MRPS28: variants seen among roughly 807,000 people sequenced by gnomAD.
MRPS28 encodes mitochondrial ribosomal protein S28.
A neutral mutation model predicts 10.8 loss-of-function variants in MRPS28; 7 were observed. The ratio of observed to expected loss-of-function variants is 0.65; its 90% CI spans 0.37 to 1.22. MRPS28 has a LOEUF of 1.22. MRPS28 is among the 50% of genes most tolerant of loss of function. The pLI is 0.02. For missense variants in MRPS28, 265 were observed against 232.9 expected (o/e 1.14, Z -0.90); for synonymous variants, 121 against 93.3 (o/e 1.30, Z -1.71).
At chr8:80,006,733 T>C (rs1808859326) in intron 1 of MRPS28, among the ~76,000 whole-genome samples, 1 of 152,136 alleles carries the variant, frequency 6.6e-6, no homozygotes, top group Non-Finnish European at 1.5e-5. Context: ...AGAAGTTGAA[T>C]CCCTGAATAG....
chr8:80,016,736 G>T, intron 1 of MRPS28, among the ~76,000 whole-genome samples: 1 of 152,008 alleles, frequency 6.6e-6, no homozygotes, highest in East Asian at 1.9e-4. Context: ...ATAATAAAAG[G>T]GTTAATTATC....
intron 2 of MRPS28, among the ~76,000 whole-genome samples, chr8:79,989,888 T>TC (rs1808307255): frequency 6.6e-6 from 1 of 152,156 alleles, no homozygotes; most frequent in Non-Finnish European, 1.5e-5. Context: ...GCACAGTGGC[T>TC]CACACCTGTA....
intron 1 of MRPS28, among the ~76,000 whole-genome samples, chr8:80,003,927 C>T (rs181903897): frequency 2.6e-4 from 40 of 152,278 alleles, no homozygotes; most frequent in African/African-American, 8.2e-4. Flanking sequence ...AAGGCAGCAA[C>T]GAGGCTGGGG....
rs33936648 is a variant in MRPS28 at position 79,991,909 on chromosome 8, G to GCT, written c.395+11088_395+11089dup. ...TAAAAGGCATCACCACTTCCTCCTTGCTCTCTCTCTCTCTCTCTCTCTCTC... is the reference window on the plus strand; with the variant it reads ...TAAAAGGCATCACCACTTCCTCCTTGCTCTCTCTCTCTCTCTCTCTCTCTCTC... On this transcript the variant is annotated intron_variant, in intron 2 of 2. Transcript: ENST00000276585. Among the ~76,000 whole-genome samples the GCT allele has an allele frequency of 8.8e-3, 1,172 of 132,932 alleles. 8 individuals carry two copies. Among genetic ancestry groups the GCT allele is most frequent in the Non-Finnish European group, 0.012 (747 of 63,332 alleles). 87.2% of individuals were successfully genotyped at this position (132,932 alleles called of 152,430 possible).
chr8:79,923,705 T>C (rs1401628955), intron 2 of MRPS28, among the ~76,000 whole-genome samples: 1 of 152,128 alleles, frequency 6.6e-6, no homozygotes, highest in African/African-American at 2.4e-5. Context: ...GTGTGTTTCT[T>C]TTAACTTCAA....
At chr8:80,004,431 T>G (rs1384276598) in intron 1 of MRPS28, among the ~76,000 whole-genome samples, 1 of 152,218 alleles carries the variant, frequency 6.6e-6, no homozygotes, top group Admixed American at 6.5e-5. Context: ...GGGTCCTGAC[T>G]GTTAGAAAGA....
chr8:79,989,236 G>T (rs1684662915), intron 2 of MRPS28, among the ~76,000 whole-genome samples: 1 of 152,130 alleles, frequency 6.6e-6, no homozygotes, highest in Admixed American at 6.6e-5. Flanking sequence ...TAGAAAAAAT[G>T]ATATAGAAAA....
chr8:79,991,971 A>G (rs895691138), intron 2 of MRPS28, among the ~76,000 whole-genome samples: 1 of 140,330 alleles, frequency 7.1e-6, no homozygotes, highest in Non-Finnish European at 1.5e-5. Flanking sequence ...ATCACTTACT[A>G]TGGGGGAAGT....
chr8:79,943,974 T>C (rs1806836161), intron 2 of MRPS28, among the ~76,000 whole-genome samples: 1 of 152,192 alleles, frequency 6.6e-6, no homozygotes, highest in Non-Finnish European at 1.5e-5. Context: ...AAATCTACAT[T>C]CCAGATTTGG....
At chr8:79,993,068 C>A (rs1808409428) in intron 2 of MRPS28, among the ~76,000 whole-genome samples, 1 of 152,138 alleles carries the variant, frequency 6.6e-6, no homozygotes, top group Admixed American at 6.5e-5. Context: ...AGACAAAATT[C>A]AAAAGAGAAC....
At chr8:79,982,063 A>C (rs1365252876) in intron 2 of MRPS28, among the ~76,000 whole-genome samples, 1 of 152,206 alleles carries the variant, frequency 6.6e-6, no homozygotes, top group Non-Finnish European at 1.5e-5. Flanking sequence ...CCTGGCCAAC[A>C]TGGTGAAACC....
chr8:80,026,923 T>A (rs1020967659), intron 1 of MRPS28, among the ~76,000 whole-genome samples: 10 of 152,228 alleles, frequency 6.6e-5, no homozygotes, highest in East Asian at 1.9e-4. Flanking sequence ...AGAAAAAAAA[T>A]TATTTTTTAG....
chr8:79,993,685 G>A (rs1586083433), intron 2 of MRPS28, among the ~76,000 whole-genome samples: 1 of 152,254 alleles, frequency 6.6e-6, no homozygotes, highest in African/African-American at 2.4e-5. Context: ...AGAAAAACTA[G>A]TAGAATGATT....
chr8:80,024,237 A>C (rs1809443403), intron 1 of MRPS28, among the ~76,000 whole-genome samples: 1 of 152,286 alleles, frequency 6.6e-6, no homozygotes, highest in Admixed American at 6.5e-5. Flanking sequence ...TGGAAAAAAA[A>C]AAAAGATTTG....
chr8:79,947,929 G>A lies in MRPS28; in HGVS notation c.396-28781C>T, dbSNP rs552112870. On this transcript the variant is annotated intron_variant, in intron 2 of 2. Coordinates refer to ENST00000276585, the MANE Select transcript of MRPS28 (RefSeq NM_014018.3). ...TGGGATTACAGGTATGAGCCACCGC[G>A]CCTGGCCTATATTAAGTATTTTTAT... 2.3e-3 allele frequency among the ~76,000 whole-genome samples: 346 copies of A among 150,618 alleles called. 1 individual carries two copies. The highest frequency in any genetic ancestry group is 6.9e-3 in the Middle Eastern group (2 of 290).
At position 80,030,239 on chromosome 8, in the gene MRPS28, G is replaced by A; in HGVS notation, c.10C>T (p.Leu4=). 6.2e-7 allele frequency: 1 copy of A among 1,614,012 alleles called. No homozygotes were observed. Among genetic ancestry groups the A allele is most frequent in the Non-Finnish European group, 8.5e-7 (1 of 1,180,032 alleles). Residue 4 remains leucine, a synonymous_variant, in exon 1 of 3, where the codon CTG becomes TTG. Transcript: ENST00000276585. MAA[L]CRTRAVAAES... ...GCAGCCACAGCACGGGTCCGACACA[G>A]CGCCGCCATGACTTCTTTACCTCTG... is the stretch of plus-strand genomic sequence containing the variant.
At chr8:79,958,783 T>A (rs996624084) in intron 2 of MRPS28, among the ~76,000 whole-genome samples, 2 of 152,184 alleles carry the variant, frequency 1.3e-5, no homozygotes, top group Non-Finnish European at 2.9e-5. Flanking sequence ...GTTTTTCTTA[T>A]GTCTTGTGAG....
Position 79,984,619 on chromosome 8 carries a change from G to C in MRPS28, c.395+18380C>G, listed in dbSNP as rs540170384. The stretch of plus-strand genomic sequence containing the variant: ...TGGAAAACAAAAAAAGGCAGGGGTT[G>C]CAATCCTAGTCTCTGATAAAACAGA... On this transcript the variant is annotated intron_variant, in intron 2 of 2. Transcript: ENST00000276585. Among the ~76,000 whole-genome samples the C allele has an allele frequency of 1.4e-4, 22 of 152,234 alleles. No homozygotes were observed. The East Asian group carries it at 4.2e-3, about 29-fold the overall frequency.
chr8:79,921,168 T>C (rs1810083119), intron 2 of MRPS28, among the ~76,000 whole-genome samples: 1 of 152,166 alleles, frequency 6.6e-6, no homozygotes, highest in African/African-American at 2.4e-5. Flanking sequence ...TTGGTACCAG[T>C]ACCATGCTGT....
Sources: allele counts gnomAD v4.1 joint callset (sites outside exome capture counted in the v4.1 genomes callset), GRCh38; gene constraint gnomAD v4.1.1; transcripts MANE v1.5; gene names NCBI Gene and HGNC (gene_info 2026-07-23, HGNC 2026-07-21).